The following ZNF33A variants were observed in gnomAD, a reference collection of about 807,000 sequenced individuals.
The protein encoded by ZNF33A is zinc finger protein 33A.
Under a neutral mutation model 15.9 loss-of-function variants are expected in ZNF33A, and 9 were observed. The ratio of observed to expected loss-of-function variants is 0.57; its 90% confidence interval spans 0.34 to 0.99. ZNF33A has a LOEUF of 0.99. ZNF33A is among the 50% of genes least tolerant of loss of function. ZNF33A has a pLI of 0.02. For synonymous variants in ZNF33A, 294 were observed against 324.2 expected, an observed-to-expected ratio of 0.91 and a Z score of 1.00; for missense variants, 843 against 941.6, an observed-to-expected ratio of 0.90 and a Z score of 1.37.
At chr10:38,029,393 T>C (rs541910810) in intron 4 of ZNF33A, among the ~76,000 whole-genome samples, 9 of 152,212 alleles carry the variant, frequency 5.9e-5, no homozygotes, top group Admixed American at 1.3e-4. Context: ...AGGCCTTCAA[T>C]TGATTTCTAA....
chr10:38,055,382 A>C lies in ZNF33A; in HGVS notation c.1258A>C (p.Lys420Gln). 1 of 1,614,130 alleles carries C rather than the reference A, an allele frequency of 6.2e-7. No homozygotes were observed. Among genetic ancestry groups the C allele is most frequent in the Non-Finnish European group, 8.5e-7 (1 of 1,180,004 alleles). ...EKPYQCNACGKTFCQKSDLTK... is the reference protein window; with the variant it reads ...EKPYQCNACGQTFCQKSDLTK... ...ACCCTATCAATGTAATGCGTGTGGG[A>C]AAACTTTTTGCCAGAAATCTGACCT... Residue 420 changes from lysine to glutamine, a missense_variant, in exon 5 of 5, where the codon AAA (lysine) becomes CAA (glutamine). Transcript: ENST00000432900.
intron 4 of ZNF33A, among the ~76,000 whole-genome samples, chr10:38,030,511 A>G (rs765605652): frequency 3.3e-5 from 5 of 152,188 alleles, no homozygotes; most frequent in African/African-American, 7.2e-5. Flanking sequence ...GGTCCACCCC[A>G]TAGTGTTGGG....
Position 38,059,971 on chromosome 10 carries a change from C to T in ZNF33A, c.*3411C>T. On this transcript the variant is annotated 3_prime_UTR_variant, in exon 5 of 5. Coordinates refer to ENST00000432900, the MANE Select transcript of ZNF33A (RefSeq NM_006954.2). ...GGGGAAAGGGTTATATGAGAATTCT[C>T]TATACTTTTTGCTCAACTTTCTGTA... is the stretch of plus-strand genomic sequence containing the variant. The T allele has an allele frequency of 4.2e-6, 3 of 716,296 alleles. No homozygotes were observed. Among genetic ancestry groups the T allele is most frequent in the Non-Finnish European group, 5.1e-6 (3 of 584,328 alleles). The allele number at this position is 716,296 out of a possible 1,614,324, so 44.4% of individuals were successfully genotyped here.
At chr10:38,032,638 T>C (rs1433069470) in intron 4 of ZNF33A, among the ~76,000 whole-genome samples, 1 of 151,838 alleles carries the variant, frequency 6.6e-6, no homozygotes, top group African/African-American at 2.4e-5. Context: ...CCCAGCTGTT[T>C]TTACATTTTC....
At chr10:38,027,348 C>T (rs1326701464) in intron 4 of ZNF33A, among the ~76,000 whole-genome samples, 1 of 151,340 alleles carries the variant, frequency 6.6e-6, no homozygotes, top group Non-Finnish European at 1.5e-5. Context: ...TTCATTTATT[C>T]ATTTGCATTT....
chr10:38,028,814 T>A (rs1319706962), intron 4 of ZNF33A, among the ~76,000 whole-genome samples: 1 of 152,166 alleles, frequency 6.6e-6, no homozygotes, highest in East Asian at 1.9e-4. Context: ...TATTCCCTTC[T>A]CATTTCCTTC....
downstream of ZNF33A, among the ~76,000 whole-genome samples, chr10:38,066,943 G>A (rs2066714969): frequency 6.6e-6 from 1 of 152,020 alleles, no homozygotes; most frequent in South Asian, 2.1e-4. Flanking sequence ...AAACAAAACA[G>A]TAGAAAAGAA....
At chr10:38,039,572 G>A (rs1360103956) in intron 4 of ZNF33A, 1 of 454,746 alleles carries the variant, frequency 2.2e-6, no homozygotes, top group Non-Finnish European at 4.4e-6. Flanking sequence ...TTTTACTTGT[G>A]TAGGTCTTTT....
intron 4 of ZNF33A, among the ~76,000 whole-genome samples, chr10:38,018,095 A>G (rs1323316148): frequency 6.6e-6 from 1 of 152,264 alleles, no homozygotes; most frequent in Non-Finnish European, 1.5e-5. Context: ...CTTTGTCTCA[A>G]AAATAAGTAA....
intron 4 of ZNF33A, among the ~76,000 whole-genome samples, chr10:38,041,756 T>C (rs886590109): frequency 4.6e-5 from 7 of 152,190 alleles, no homozygotes; most frequent in African/African-American, 1.7e-4. Flanking sequence ...GGAAAAAATC[T>C]AAAGTGAGAA....
chr10:38,047,565 G>A (rs560985893), intron 4 of ZNF33A, among the ~76,000 whole-genome samples: 1 of 136,982 alleles, frequency 7.3e-6, no homozygotes, highest in African/African-American at 2.7e-5. Flanking sequence ...GGCGGAGGTT[G>A]CAGTGAGCCG....
At chr10:38,013,899 C>T (rs1282991024) in intron 2 of ZNF33A, among the ~76,000 whole-genome samples, 1 of 152,042 alleles carries the variant, frequency 6.6e-6, no homozygotes, top group African/African-American at 2.4e-5. Flanking sequence ...GCCGTCTTGT[C>T]CCCCTCACAA....
At chr10:38,045,413 C>T (rs645064) in intron 4 of ZNF33A, among the ~76,000 whole-genome samples, 79,898 of 151,916 alleles carry the variant, frequency 0.53, 21,327 homozygotes, top group South Asian at 0.71. Flanking sequence ...TGATTGCTGA[C>T]GTATTGCTCT....
chr10:38,055,464 G>C lies in ZNF33A; in HGVS notation c.1340G>C (p.Gly447Ala). ...GLKPYECYEC[G>A]KSFRVTSHLK... ...AAACCCTATGAATGTTATGAATGTGGAAAATCCTTCCGTGTGACTTCGCAC... is the reference window on the plus strand; with the variant it reads ...AAACCCTATGAATGTTATGAATGTGCAAAATCCTTCCGTGTGACTTCGCAC... Residue 447 changes from glycine to alanine, a missense_variant, in exon 5 of 5, where the codon GGA (glycine) becomes GCA (alanine). By Grantham distance (60) the Gly-to-Ala change is moderately conservative (BLOSUM62 0). Coordinates refer to ENST00000432900, the MANE Select transcript of ZNF33A (RefSeq NM_006954.2). The C allele has an allele frequency of 6.2e-7, 1 of 1,613,970 alleles. No homozygotes were observed. The highest frequency in any genetic ancestry group is 8.5e-7 in the Non-Finnish European group (1 of 1,179,976).
In ZNF33A at chr10:38,029,153, CT is replaced by C. The variant is rs1235793373; in HGVS notation, c.250+11770del. 2.6e-5 allele frequency among the ~76,000 whole-genome samples: 4 copies of C among 152,254 alleles called. No individual in the cohort carries two copies. In the East Asian group the frequency reaches 7.7e-4, roughly 29 times the overall value. On this transcript the variant is annotated intron_variant, in intron 4 of 4. Transcript: ENST00000432900. Reference sequence around the variant, plus strand: ...CTATATAGTTAACTTTATTGGAAATCTTTATTTTTTCCTCCAGATTAGAGTC... The same window carrying C: ...CTATATAGTTAACTTTATTGGAAATCTTATTTTTTCCTCCAGATTAGAGTC...
Position 38,010,788 on chromosome 10 carries a change from G to C in ZNF33A, c.-45+5G>C. ...GCAACCCGACGAGGGAGTGGGGTAA[G>C]CCCCAGTGGGTTGGGCAGGGAGAGA... On this transcript the variant is annotated splice_donor_5th_base_variant and intron_variant, in intron 1 of 4. Coordinates refer to ENST00000432900, the MANE Select transcript of ZNF33A (RefSeq NM_006954.2). 1 of 1,598,460 alleles carries C rather than the reference G, an allele frequency of 6.3e-7. No homozygotes were observed. Among genetic ancestry groups the C allele is most frequent in the Middle Eastern group, 1.7e-4 (1 of 6,060 alleles).
Position 38,056,239 on chromosome 10 carries a change from A to G in ZNF33A, c.2115A>G (p.Lys705=). The G allele has an allele frequency of 6.2e-7, 1 of 1,614,130 alleles. No individual in the cohort carries two copies. The highest frequency in any genetic ancestry group is 1.1e-5 in the South Asian group (1 of 91,082). The change falls in exon 5 of 5, where the codon AAA becomes AAG. Residue 705 remains lysine, a synonymous_variant. Transcript: ENST00000432900. ...CNECGKFFRH[K]SSLTVHHRAH... is the part of the protein sequence containing the mutation. ...AATGTGGGAAATTCTTCAGGCACAAATCATCACTCACAGTACATCACAGGG... is the reference window on the plus strand; with the variant it reads ...AATGTGGGAAATTCTTCAGGCACAAGTCATCACTCACAGTACATCACAGGG...
At chr10:38,030,669 G>T (rs544292410) in intron 4 of ZNF33A, among the ~76,000 whole-genome samples, 2 of 152,274 alleles carry the variant, frequency 1.3e-5, no homozygotes, top group East Asian at 3.9e-4. Flanking sequence ...GGTTGAGAAA[G>T]AAGGGAGAAG....
downstream of ZNF33A, among the ~76,000 whole-genome samples, chr10:38,065,460 G>T (rs2066701372): frequency 6.6e-6 from 1 of 152,216 alleles, no homozygotes; most frequent in Admixed American, 6.5e-5. Flanking sequence ...AGCGATACCT[G>T]TTGACCTGCT....
Sources: gnomAD v4.1 joint callset for allele counts (sites outside exome capture counted in the v4.1 genomes callset) on GRCh38, gnomAD v4.1.1 for gene constraint, MANE v1.5 for transcripts, NCBI Gene and HGNC (gene_info 2026-07-23, HGNC 2026-07-21) for gene names.